EXOC6B: variants seen among roughly 807,000 people sequenced by gnomAD.
EXOC6B encodes SEC15 homolog B.
EXOC6B carries 54 observed loss-of-function variants against 113.5 expected under a neutral mutation model. That is an observed-to-expected ratio of 0.48 (90% CI 0.38 to 0.60). The LOEUF (loss-of-function observed/expected upper bound fraction) is 0.60. EXOC6B is among the 20% of genes least tolerant of loss of function. EXOC6B has a pLI of 0.00. For missense variants in EXOC6B, 797 were observed against 977.5 expected (o/e 0.82, Z 2.46); for synonymous variants, 357 against 339.0 (o/e 1.05, Z -0.58).
chr2:72,403,662 G>A (rs1693500390), intron 18 of EXOC6B, among the ~76,000 whole-genome samples: 1 of 152,128 alleles, frequency 6.6e-6, no homozygotes, highest in Non-Finnish European at 1.5e-5. Flanking sequence ...CCACTGTACT[G>A]CCCACTACAG....
At chr2:72,469,166 A>T (rs116504981) in intron 17 of EXOC6B, among the ~76,000 whole-genome samples, 2 of 152,130 alleles carry the variant, frequency 1.3e-5, no homozygotes, top group African/African-American at 4.8e-5. Flanking sequence ...TTAAAAATGC[A>T]TAATGTCACT....
intron 20 of EXOC6B, among the ~76,000 whole-genome samples, chr2:72,295,180 G>A (rs996751208): frequency 5.1e-4 from 74 of 144,216 alleles, no homozygotes; most frequent in African/African-American, 1.9e-3. Flanking sequence ...TCAGTGAGCC[G>A]AGATCGCACC....
intron 18 of EXOC6B, among the ~76,000 whole-genome samples, chr2:72,429,836 G>A (rs1311082079): frequency 2.6e-5 from 4 of 152,182 alleles, no homozygotes. Context: ...GAGGAACCCT[G>A]CATTAGAGTC....
At chr2:72,769,554 G>A (rs1459135786) in intron 1 of EXOC6B, among the ~76,000 whole-genome samples, 1 of 152,218 alleles carries the variant, frequency 6.6e-6, no homozygotes, top group East Asian at 1.9e-4. Context: ...GCTCACACCT[G>A]TAATCCCAGC....
intron 20 of EXOC6B, among the ~76,000 whole-genome samples, chr2:72,286,837 T>C (rs2104693631): frequency 6.6e-6 from 1 of 152,230 alleles, no homozygotes; most frequent in Middle Eastern, 3.4e-3. Context: ...TAAAAAAAGA[T>C]ACCTAGCAAA....
intron 1 of EXOC6B, among the ~76,000 whole-genome samples, chr2:72,822,252 G>T (rs1469276289): frequency 1.3e-5 from 2 of 152,140 alleles, no homozygotes; most frequent in Non-Finnish European, 1.5e-5. Context: ...GGACAGGCAG[G>T]CTTTAACATC....
At chr2:72,824,297 G>T (rs1217305987) in intron 1 of EXOC6B, among the ~76,000 whole-genome samples, 1 of 152,116 alleles carries the variant, frequency 6.6e-6, no homozygotes, top group Non-Finnish European at 1.5e-5. Flanking sequence ...GCTTAGGTGG[G>T]AGGATCTTAA....
chr2:72,263,612 C>T (rs1384295687), intron 20 of EXOC6B, among the ~76,000 whole-genome samples: 1 of 152,102 alleles, frequency 6.6e-6, no homozygotes, highest in Non-Finnish European at 1.5e-5. Flanking sequence ...TCTATTCTTT[C>T]CCAAAGGGGT....
At chr2:72,414,746 T>C (rs1187036083) in intron 18 of EXOC6B, among the ~76,000 whole-genome samples, 3 of 152,222 alleles carry the variant, frequency 2.0e-5, no homozygotes, top group Non-Finnish European at 4.4e-5. Context: ...AAGAATACGA[T>C]ACTCAACTCT....
chr2:72,751,999 C>T (rs1682072794), intron 1 of EXOC6B, among the ~76,000 whole-genome samples: 1 of 152,090 alleles, frequency 6.6e-6, no homozygotes, highest in Non-Finnish European at 1.5e-5. Context: ...CATGCAGAAG[C>T]TTGCTATGAT....
intron 8 of EXOC6B, among the ~76,000 whole-genome samples, chr2:72,554,102 A>T (rs906704766): frequency 1.3e-5 from 2 of 152,220 alleles, no homozygotes; most frequent in African/African-American, 4.8e-5. Flanking sequence ...GACCATTCAC[A>T]TCAATTTTTG....
intron 1 of EXOC6B, among the ~76,000 whole-genome samples, chr2:72,747,289 A>C (rs976663727): frequency 1.3e-5 from 2 of 151,962 alleles, no homozygotes; most frequent in African/African-American, 2.4e-5. Context: ...CACTTATCTC[A>C]CCAATGAGAA....
At chr2:72,479,512 T>G (rs754949745) in intron 17 of EXOC6B, among the ~76,000 whole-genome samples, 1 of 152,164 alleles carries the variant, frequency 6.6e-6, no homozygotes, top group Non-Finnish European at 1.5e-5. Flanking sequence ...TATATTTAAT[T>G]AATATCAATT....
At chr2:72,669,777 T>C (rs1444318060) in intron 6 of EXOC6B, among the ~76,000 whole-genome samples, 8 of 152,214 alleles carry the variant, frequency 5.3e-5, no homozygotes, top group Admixed American at 3.9e-4. Flanking sequence ...TGGCAGCAGG[T>C]AGAGCCAGGG....
intron 8 of EXOC6B, among the ~76,000 whole-genome samples, chr2:72,538,850 T>C (rs1702442244): frequency 6.6e-6 from 1 of 152,190 alleles, no homozygotes; most frequent in Admixed American, 6.5e-5. Context: ...CTATGTATAG[T>C]TCTCTGCACC....
intron 20 of EXOC6B, among the ~76,000 whole-genome samples, chr2:72,226,387 A>G (rs1411057707): frequency 6.6e-6 from 1 of 152,222 alleles, no homozygotes; most frequent in African/African-American, 2.4e-5. Context: ...ACTCTTAAAT[A>G]CTGTCTTTGC....
chr2:72,797,651 T>TA (rs1685039176), intron 1 of EXOC6B, among the ~76,000 whole-genome samples: 1 of 151,992 alleles, frequency 6.6e-6, no homozygotes, highest in Non-Finnish European at 1.5e-5. Context: ...CCATCTCTAC[T>TA]AAAAATACAA....
intron 8 of EXOC6B, among the ~76,000 whole-genome samples, chr2:72,516,258 A>T (rs969646827): frequency 1.3e-5 from 2 of 151,548 alleles, no homozygotes; most frequent in African/African-American, 2.4e-5. Flanking sequence ...TTTTACTTTT[A>T]TTTTTTTTGA....
chr2:72,369,197 C>A (rs1247795678), intron 19 of EXOC6B, among the ~76,000 whole-genome samples: 1 of 152,166 alleles, frequency 6.6e-6, no homozygotes, highest in Non-Finnish European at 1.5e-5. Flanking sequence ...GTGCAAAAAT[C>A]ACAAGCATTC....
Sources: gnomAD v4.1 joint callset for allele counts (sites outside exome capture counted in the v4.1 genomes callset) on GRCh38, gnomAD v4.1.1 for gene constraint, MANE v1.5 for transcripts, NCBI Gene and HGNC (gene_info 2026-07-23, HGNC 2026-07-21) for gene names.